CDK10: variants seen among roughly 807,000 people sequenced by gnomAD.
CDK10 encodes the protein cyclin-dependent kinase 10.
CDK10 carries 55 observed loss-of-function variants against 51.0 expected under a neutral mutation model. The ratio of observed to expected loss-of-function variants is 1.08; its 90% CI spans 0.87 to 1.35. The LOEUF (loss-of-function observed/expected upper bound fraction) is 1.35. Ranked by LOEUF, CDK10 falls within the 40% of genes most tolerant of loss-of-function variation. CDK10 has a pLI of 0.00. For synonymous variants in CDK10, 255 were observed against 199.1 expected, an observed-to-expected ratio of 1.28 and a Z score of -2.36; for missense variants, 589 against 485.1, an observed-to-expected ratio of 1.21 and a Z score of -2.01.
intron 1 of CDK10, chr16:89,687,235 G>C: frequency 6.0e-6 from 2 of 331,052 alleles, no homozygotes; most frequent in Non-Finnish European, 1.2e-5. Flanking sequence ...GCTGCCTGGC[G>C]GCTTCACGCG....
Position 89,692,448 on chromosome 16 carries a change from G to C in CDK10, c.418-1G>C. ...ACTGGTACCTCTGACCCTCTGCACA[G>C]GTCAAGTGCATCGTGCTGCAGGTGC... On this transcript the variant is annotated splice_acceptor_variant, in intron 5 of 12. Coordinates refer to ENST00000353379, the MANE Select transcript of CDK10 (RefSeq NM_052988.5). LOFTEE classifies it high-confidence loss of function. 2 of 1,586,558 alleles carry C rather than the reference G, an allele frequency of 1.3e-6. No individual in the cohort carries two copies. The highest frequency in any genetic ancestry group is 1.1e-5 in the South Asian group (1 of 87,634).
At position 89,689,264 on chromosome 16, in the gene CDK10, C is replaced by T. The variant is rs367799151; in HGVS notation, c.100C>T (p.Arg34Trp). 95 of 1,613,888 alleles carry T rather than the reference C, an allele frequency of 5.9e-5. No homozygotes were observed. The highest frequency in any genetic ancestry group is 7.8e-5 in the Non-Finnish European group (92 of 1,179,976). Residue 34 changes from arginine (R) to tryptophan (W), a missense_variant, in exon 2 of 13, where the codon CGG becomes TGG. Coordinates refer to ENST00000353379, the MANE Select transcript of CDK10 (RefSeq NM_052988.5). Reference protein sequence around the residue: ...VPPEHRLGRCRSVKEFEKLNR... With the variant: ...VPPEHRLGRCWSVKEFEKLNR... The stretch of plus-strand genomic sequence containing the variant: ...CCTTCTGTTTCAGCTGGGACGATGC[C>T]GGAGTGTGAAGGAGTTTGAGAAGCT...
At chr16:89,692,999 G>A (rs748543618) in intron 6 of CDK10, among the ~76,000 whole-genome samples, 19 of 151,682 alleles carry the variant, frequency 1.3e-4, no homozygotes, top group South Asian at 4.2e-4. Context: ...TTAGCCGGGC[G>A]TGGTGGCGGG....
In CDK10 at chr16:89,690,540, G is replaced by A. The variant is rs573868080; in HGVS notation, c.161-13G>A. Reference sequence around the variant, plus strand: ...ATCGAGATGATGTCATCACCAATGTGTTTCCATTCCAGATCGGGCCCGGGA... The same window carrying A: ...ATCGAGATGATGTCATCACCAATGTATTTCCATTCCAGATCGGGCCCGGGA... On this transcript the variant is annotated splice_polypyrimidine_tract_variant and intron_variant, in intron 2 of 12. Transcript: ENST00000353379. 21 of 1,613,226 alleles carry A rather than the reference G, an allele frequency of 1.3e-5. No individual in the cohort carries two copies. In the Admixed American group the frequency reaches 3.0e-4, roughly 23 times the overall value.
At chr16:89,693,677 G>T in intron 8 of CDK10, 1 of 601,466 alleles carries the variant, frequency 1.7e-6, no homozygotes, top group Non-Finnish European at 3.0e-6. Flanking sequence ...TGGCGTCAAG[G>T]GCCTGCCTAG....
intron 11 of CDK10, 91 bp downstream of exon 11, chr16:89,695,161 C>T: frequency 1.3e-6 from 2 of 1,542,262 alleles, no homozygotes; most frequent in Non-Finnish European, 1.8e-6. Context: ...GTGGAGAGGC[C>T]CCTCCCCAGG....
At chr16:89,693,666 G>T (rs1250676994) in intron 8 of CDK10, 199 bp downstream of exon 8, 1 of 609,752 alleles carries the variant, frequency 1.6e-6, no homozygotes, top group East Asian at 2.8e-5. Flanking sequence ...GACGGGCTCA[G>T]TGGCGTCAAG....
Position 89,692,444 on chromosome 16 carries a change from C to G in CDK10, c.418-5C>G. The G allele has an allele frequency of 1.3e-6, 2 of 1,577,510 alleles. No homozygotes were observed. Reference sequence around the variant, plus strand: ...CCTGACTGGTACCTCTGACCCTCTGCACAGGTCAAGTGCATCGTGCTGCAG... The same window carrying G: ...CCTGACTGGTACCTCTGACCCTCTGGACAGGTCAAGTGCATCGTGCTGCAG... On this transcript the variant is annotated splice_region_variant and splice_polypyrimidine_tract_variant and intron_variant, in intron 5 of 12. Transcript: ENST00000353379.
At chr16:89,694,409 CTT>C in intron 9 of CDK10, 177 bp downstream of exon 9, 1 of 851,280 alleles carries the variant, frequency 1.2e-6, no homozygotes, top group Non-Finnish European at 1.9e-6. Flanking sequence ...GGTGTGAGAA[CTT>C]AGCTTGCTGT....
rs1186924858 is a variant in CDK10, at chr16:89,694,966, C to T, written c.828C>T (p.Ser276=). 1 of 1,613,224 alleles carries T rather than the reference C, an allele frequency of 6.2e-7. No homozygotes were observed. The highest frequency in any genetic ancestry group is 1.3e-5 in the African/African-American group (1 of 74,944). The part of the protein sequence containing the change: ...FSKLPLVGQY[S]LRKQPYNNLK... ...AGCTGCCACTGGTCGGCCAGTACAG[C>T]CTCCGGAAGCAGCCCTACAACAACC... The change falls in exon 11 of 13, where the codon AGC becomes AGT. Residue 276 remains serine, a synonymous_variant. Coordinates refer to ENST00000353379, the MANE Select transcript of CDK10 (RefSeq NM_052988.5).
chr16:89,692,002 C>A, intron 5 of CDK10, 115 bp downstream of exon 5: 1 of 804,084 alleles, frequency 1.2e-6, no homozygotes, highest in Non-Finnish European at 2.0e-6. Context: ...CCTCTGCCTC[C>A]ACCTCCCAGT....
At chr16:89,693,350 C>G (rs267604682) in intron 7 of CDK10, 24 bp downstream of exon 7, 1 of 1,614,008 alleles carries the variant, frequency 6.2e-7, no homozygotes, top group African/African-American at 1.3e-5. Flanking sequence ...GGGCCAGGCC[C>G]TGTCCCTAGA....
In CDK10 at chr16:89,686,764, G is replaced by C; in HGVS notation, c.54G>C (p.Lys18Asn). 3 of 1,612,838 alleles carry C rather than the reference G, an allele frequency of 1.9e-6. No individual in the cohort carries two copies. The East Asian group carries it at 6.7e-5, about 36-fold the overall frequency. Reference sequence around the variant, plus strand: ...AGATCCGTCTGAAGTGTATTCGTAAGGAGGGCTTCTTCACGGTGCCTCCGG... The same window carrying C: ...AGATCCGTCTGAAGTGTATTCGTAACGAGGGCTTCTTCACGGTGCCTCCGG... ...CEQIRLKCIRKEGFFTVPPEH... is the reference protein window; with the variant it reads ...CEQIRLKCIRNEGFFTVPPEH... Residue 18 changes from lysine (K) to asparagine (N), a missense_variant, in exon 1 of 13, where the codon AAG becomes AAC. Transcript: ENST00000353379.
At chr16:89,686,851 G>A (rs1004781204) in intron 1 of CDK10, 54 bp downstream of exon 1, 3 of 1,489,286 alleles carry the variant, frequency 2.0e-6, no homozygotes, top group Non-Finnish European at 1.9e-6. Flanking sequence ...GGCACTGCCC[G>A]GCTGGGTCTG....
At chr16:89,691,115 A>G (rs1482647348) in intron 3 of CDK10, among the ~76,000 whole-genome samples, 2 of 152,106 alleles carry the variant, frequency 1.3e-5, no homozygotes, top group African/African-American at 4.8e-5. Flanking sequence ...GAGAAACCCC[A>G]TCTCTACTAA....
chr16:89,691,910 G>A, intron 5 of CDK10, 23 bp downstream of exon 5: 1 of 1,605,182 alleles, frequency 6.2e-7, no homozygotes, highest in Non-Finnish European at 8.5e-7. Context: ...GGGGCCTGGG[G>A]TGGGGGAATG....
At chr16:89,691,414 G>C (rs1185742033) in intron 3 of CDK10, 29 bp from the exon 4 acceptor site, 1 of 1,549,358 alleles carries the variant, frequency 6.5e-7, no homozygotes, top group East Asian at 2.3e-5. Flanking sequence ...CACTGGGGTG[G>C]GGCTCGCTGA....
chr16:89,695,704 G>T lies in CDK10; in HGVS notation c.*12G>T. ...GCTGTAAACCCTGACGGTGGGCCTG[G>T]CACACGCCTGTATTCCCACACCAGG... is the stretch of plus-strand genomic sequence containing the variant. On this transcript the variant is annotated 3_prime_UTR_variant, in exon 13 of 13. Transcript: ENST00000353379. The T allele has an allele frequency of 6.3e-7, 1 of 1,590,900 alleles. No homozygotes were observed.
Position 89,689,185 on chromosome 16 carries a change from T to C in CDK10, c.88-67T>C, listed in dbSNP as rs1180118102. On this transcript the variant is annotated intron_variant, in intron 1 of 12. Transcript: ENST00000353379. ...AGTGGGCTCCCTGGTACAAATTCCA[T>C]TTGAAATTTCCTCAGTTGTTCCATC... 17 of 1,448,932 alleles carry C rather than the reference T, an allele frequency of 1.2e-5. No homozygotes were observed. The Admixed American group carries it at 2.9e-4, about 25-fold the overall frequency. The allele number at this position is 1,448,932 out of a possible 1,614,324, so 89.8% of individuals were successfully genotyped here. A position where few individuals can be genotyped will look rare whatever the true frequency, so the allele number is the denominator to read the frequency against.
Sources: gnomAD v4.1 joint callset for allele counts (sites outside exome capture counted in the v4.1 genomes callset) on GRCh38, gnomAD v4.1.1 for gene constraint, MANE v1.5 for transcripts, NCBI Gene and HGNC (gene_info 2026-07-23, HGNC 2026-07-21) for gene names.